ALK: variants seen among roughly 807,000 people sequenced by gnomAD.
The protein encoded by ALK is ALK receptor tyrosine kinase.
A neutral mutation model predicts 163.1 loss-of-function variants in ALK; 74 were observed. That is an observed-to-expected ratio of 0.45 (90% CI 0.38 to 0.55). The LOEUF (loss-of-function observed/expected upper bound fraction) is 0.55. ALK is among the 20% of genes least tolerant of loss of function. ALK has a pLI of 0.00. For missense variants in ALK, 2,063 were observed against 2,105.3 expected, an observed-to-expected ratio of 0.98 and a Z score of 0.39; for synonymous variants, 960 against 843.2, an observed-to-expected ratio of 1.14 and a Z score of -2.40.
intron 4 of ALK, among the ~76,000 whole-genome samples, chr2:29,412,868 A>T (rs942673327): frequency 7.9e-5 from 12 of 152,194 alleles, no homozygotes; most frequent in Admixed American, 7.2e-4. Context: ...TCTTTAATCC[A>T]AGTTGTGAGG....
chr2:29,410,535 C>T (rs2148321741), intron 4 of ALK, among the ~76,000 whole-genome samples: 2 of 152,304 alleles, frequency 1.3e-5, no homozygotes, highest in South Asian at 4.1e-4. Flanking sequence ...CGGGCACGTC[C>T]TCAACCTTGG....
intron 12 of ALK, among the ~76,000 whole-genome samples, chr2:29,248,163 A>C (rs901014529): frequency 6.6e-6 from 1 of 152,082 alleles, no homozygotes; most frequent in Admixed American, 6.5e-5. Flanking sequence ...TTATTTGGTT[A>C]AAATATAAGT....
At chr2:29,593,456 C>T (rs1033468193) in intron 3 of ALK, among the ~76,000 whole-genome samples, 2 of 152,188 alleles carry the variant, frequency 1.3e-5, no homozygotes, top group Non-Finnish European at 2.9e-5. Context: ...GCCTTAGAGA[C>T]CCTGTCCCCT....
At chr2:29,679,386 G>C (rs563168541) in intron 3 of ALK, among the ~76,000 whole-genome samples, 3 of 151,054 alleles carry the variant, frequency 2.0e-5, no homozygotes, top group African/African-American at 7.3e-5. Flanking sequence ...ACTTTTCAGC[G>C]TACCATTTTA....
At chr2:29,634,247 T>C (rs13025886) in intron 3 of ALK, among the ~76,000 whole-genome samples, 96,450 of 151,654 alleles carry the variant, frequency 0.64, 31,635 homozygotes, top group Middle Eastern at 0.73. Context: ...AGTGACACAC[T>C]GCGGTGCTGG....
chr2:29,628,880 C>T (rs1267275722), intron 3 of ALK, among the ~76,000 whole-genome samples: 2 of 152,182 alleles, frequency 1.3e-5, no homozygotes, highest in East Asian at 3.8e-4. Context: ...ATGTTCAAGA[C>T]TCAGTGCTCT....
chr2:29,193,451 C>G lies in ALK; in HGVS notation c.4636G>C (p.Ala1546Pro), dbSNP rs1668930591. The change falls in exon 29 of 29, where the codon GCA (alanine) becomes CCA (proline). Residue 1546 changes from alanine (A) to proline (P), a missense_variant. By Grantham distance (27) the Ala-to-Pro change is conservative. Around this residue, in one of 5 missense-constraint regions of ALK, gnomAD observed 403 missense variants for 366.2 expected, o/e 1.10. Transcript: ENST00000389048. ...EGSCTVPPNV[A>P]TGRLPGASLL... is the part of the protein sequence containing the mutation. ...GAGGCCCCCGGAAGTCTCCCAGTTGCAACGTTAGGTGGGACAGTACAGCTT... is the reference window on the plus strand; with the variant it reads ...GAGGCCCCCGGAAGTCTCCCAGTTGGAACGTTAGGTGGGACAGTACAGCTT... The G allele has an allele frequency of 1.9e-6, 3 of 1,614,042 alleles. No individual in the cohort carries two copies. The highest frequency in any genetic ancestry group is 2.5e-6 in the Non-Finnish European group (3 of 1,180,034).
rs898058447 is a variant in ALK at position 29,754,605 on chromosome 2, G to A, written c.668-36908C>T. On this transcript the variant is annotated intron_variant, in intron 1 of 28. Transcript: ENST00000389048. Reference sequence around the variant, plus strand: ...CATAGGAGGCTGAAGTGGGAGGATCGCTTGAGTTTGGGAGCTTGCAGCTGC... The same window carrying A: ...CATAGGAGGCTGAAGTGGGAGGATCACTTGAGTTTGGGAGCTTGCAGCTGC... Among the ~76,000 whole-genome samples, 14 of 152,100 alleles carry A rather than the reference G, an allele frequency of 9.2e-5. No individual in the cohort carries two copies. The South Asian group carries it at 2.1e-3, about 23-fold the overall frequency.
chr2:29,233,728 G>A (rs1284763887), intron 13 of ALK, 32 bp from the exon 14 acceptor site: 2 of 1,614,008 alleles, frequency 1.2e-6, no homozygotes, highest in Admixed American at 1.7e-5. Context: ...TAGGTTTGTG[G>A]CCAAACCAGA....
At chr2:29,889,326 C>T (rs987262449) in intron 1 of ALK, among the ~76,000 whole-genome samples, 1 of 151,832 alleles carries the variant, frequency 6.6e-6, no homozygotes. Flanking sequence ...GCAATGTTAA[C>T]ACAATTTTAT....
intron 1 of ALK, among the ~76,000 whole-genome samples, chr2:29,881,395 TG>T (rs1666861589): frequency 6.6e-6 from 1 of 152,164 alleles, no homozygotes; most frequent in Admixed American, 6.5e-5. Flanking sequence ...ATTGGCAGGT[TG>T]GTGCTTTTAT....
chr2:29,305,315 G>A (rs541267560), intron 8 of ALK, among the ~76,000 whole-genome samples: 22 of 152,300 alleles, frequency 1.4e-4, no homozygotes, highest in African/African-American at 5.3e-4. Flanking sequence ...GAGAGAAAAA[G>A]AGAGAGAGAC....
At chr2:29,556,547 T>A (rs1485915791) in intron 3 of ALK, among the ~76,000 whole-genome samples, 1 of 152,182 alleles carries the variant, frequency 6.6e-6, no homozygotes, top group African/African-American at 2.4e-5. Context: ...TATAAGGACT[T>A]GAATGGTGGC....
intron 3 of ALK, among the ~76,000 whole-genome samples, chr2:29,666,070 C>A (rs564032904): frequency 5.9e-5 from 9 of 152,160 alleles, no homozygotes; most frequent in African/African-American, 2.2e-4. Flanking sequence ...CAATTAATTT[C>A]CTGAGTAAAA....
At chr2:29,631,994 C>T (rs1226258296) in intron 3 of ALK, among the ~76,000 whole-genome samples, 2 of 152,198 alleles carry the variant, frequency 1.3e-5, no homozygotes, top group African/African-American at 2.4e-5. Context: ...TGCTTCTAAG[C>T]AGCACTGAAG....
chr2:29,742,690 C>T (rs555881508), intron 1 of ALK, among the ~76,000 whole-genome samples: 1 of 152,320 alleles, frequency 6.6e-6, no homozygotes, highest in South Asian at 2.1e-4. Flanking sequence ...GCATGCCAAA[C>T]CTCACTTATT....
intron 18 of ALK, among the ~76,000 whole-genome samples, chr2:29,226,359 T>G (rs1200929907): frequency 6.6e-6 from 1 of 150,988 alleles, no homozygotes; most frequent in Non-Finnish European, 1.5e-5. Flanking sequence ...GCGCCTGTAG[T>G]CCCAGCTACT....
chr2:29,915,547 ACT>A (rs1224191818), intron 1 of ALK, among the ~76,000 whole-genome samples: 1 of 151,562 alleles, frequency 6.6e-6, no homozygotes, highest in South Asian at 2.1e-4. Context: ...TAATAATCAC[ACT>A]CTCCTCCCAT....
intron 2 of ALK, among the ~76,000 whole-genome samples, chr2:29,711,029 T>C (rs991035286): frequency 1.3e-5 from 2 of 152,216 alleles, no homozygotes; most frequent in Non-Finnish European, 2.9e-5. Context: ...TTCCAGTCAA[T>C]GACATCTTCA....
Sources: gnomAD v4.1 joint callset for allele counts (sites outside exome capture counted in the v4.1 genomes callset) on GRCh38, gnomAD v4.1.1 for gene constraint, gnomAD v4.1.1 regional missense constraint, MANE v1.5 for transcripts, NCBI Gene and HGNC (gene_info 2026-07-23, HGNC 2026-07-21) for gene names.